Variants in ANO9 observed in about 807,000 individuals in gnomAD.
The protein encoded by ANO9 is anoctamin-9.
In ANO9, 80 loss-of-function variants were observed where a neutral mutation model predicts 100.5. The ratio of observed to expected loss-of-function variants is 0.80; its 90% CI spans 0.66 to 0.96. ANO9 has a LOEUF of 0.96. Among genes scored for constraint, ANO9 ranks in the 40% least tolerant of loss-of-function variants. ANO9 has a pLI of 0.00. For synonymous variants in ANO9, 473 were observed against 435.6 expected, an observed-to-expected ratio of 1.09 and a Z score of -1.07; for missense variants, 1,064 against 1,072.7, an observed-to-expected ratio of 0.99 and a Z score of 0.11.
At position 421,034 on chromosome 11, in the gene ANO9, G is replaced by A. The variant is rs1274798915; in HGVS notation, c.1401C>T (p.Ala467=). 1.9e-6 allele frequency: 3 copies of A among 1,603,264 alleles called. No homozygotes were observed. Among genetic ancestry groups the A allele is most frequent in the Non-Finnish European group, 2.6e-6 (3 of 1,172,360 alleles). Residue 467 remains alanine, a synonymous_variant, in exon 17 of 23, where the codon GCC becomes GCT. Transcript: ENST00000332826. This position sits in a 1 kb window ranked among gnomAD's most constrained non-coding sequence, Gnocchi z 6.8. Reference sequence around the variant, plus strand: ...CGAAGAGGTCCATCATGCAGCCGCTGGCGTGGCACTGCGGGGCCAGACAGG... The same window carrying A: ...CGAAGAGGTCCATCATGCAGCCGCTAGCGTGGCACTGCGGGGCCAGACAGG... ...AGLWKLEECH[A]SGCMMDLFVQ...
Position 419,584 on chromosome 11 carries a change from G to C in ANO9, c.1932C>G (p.Val644=), listed in dbSNP as rs758007024. Residue 644 remains valine (V), a splice_region_variant and synonymous_variant, in exon 20 of 23, where the codon GTC becomes GTG. Coordinates refer to ENST00000332826, the MANE Select transcript of ANO9 (RefSeq NM_001012302.3). ...SPCLKEGNST[V]DCLKGYVNHS... ...CTCCAGACACCCTGAGGCCTTACTC[G>C]ACAGTAGAGTTGCCTTCTTTCAGGC... The C allele has an allele frequency of 6.2e-6, 10 of 1,613,232 alleles. No homozygotes were observed. Among genetic ancestry groups the C allele is most frequent in the Middle Eastern group, 3.3e-4 (2 of 6,058 alleles).
rs1335785013 is a variant in ANO9, at chr11:434,116, G to A, written c.7-18C>T. ...TCTTCGCCCTGGGGGTTTGGGGGCA[G>A]AGAAAGGGATAGGAGGATGTGATTG... On this transcript the variant is annotated intron_variant, in intron 1 of 22. Coordinates refer to ENST00000332826, the MANE Select transcript of ANO9 (RefSeq NM_001012302.3). The A allele has an allele frequency of 1.3e-6, 2 of 1,549,778 alleles. No individual in the cohort carries two copies. Among genetic ancestry groups the A allele is most frequent in the East Asian group, 4.9e-5 (2 of 40,922 alleles).
At position 420,777 on chromosome 11, in the gene ANO9, C is replaced by G; in HGVS notation, c.1574G>C (p.Arg525Pro). ...PRDPELRDWRRNYLLNPVNTF... is the reference protein window; with the variant it reads ...PRDPELRDWRPNYLLNPVNTF... ...GTTGACCGGGTTCAGAAGGTAGTTG[C>G]GCCGCCAGTCCCTGAGCTCGGGGTC... The change falls in exon 18 of 23, where the codon CGC becomes CCC. Residue 525 changes from arginine (R) to proline (P), a missense_variant. Arg to Pro is a moderately radical substitution (Grantham distance 103). Transcript: ENST00000332826. The G allele has an allele frequency of 6.2e-7, 1 of 1,601,336 alleles. No homozygotes were observed.
intron 7 of ANO9, among the ~76,000 whole-genome samples, chr11:430,855 C>CG (rs1190915775): frequency 5.2e-5 from 1 of 19,394 alleles, no homozygotes; most frequent in African/African-American, 3.0e-4. Context: ...GGTGTGGGGG[C>CG]TCACGCGGGT....
chr11:430,384 C>A lies in ANO9; in HGVS notation c.559G>T (p.Val187Leu). ...CCCAGCCAGACGAAGTACAGGGCCA[C>A]CTTTTCCCCAAAGTAGTTCCTGCAG... ...DEIRNYFGEK[V>L]ALYFVWLGWY... Residue 187 changes from valine (V) to leucine (L), a missense_variant, in exon 8 of 23, where the codon GTG becomes TTG. Transcript: ENST00000332826. 1 of 1,594,732 alleles carries A rather than the reference C, an allele frequency of 6.3e-7. No homozygotes were observed. The highest frequency in any genetic ancestry group is 8.5e-7 in the Non-Finnish European group (1 of 1,171,384).
chr11:424,704 A>T (rs1159054849), intron 15 of ANO9, among the ~76,000 whole-genome samples: 1 of 152,222 alleles, frequency 6.6e-6, no homozygotes, highest in Non-Finnish European at 1.5e-5. Context: ...AGGAAACAAG[A>T]GATAATTAGG....
At chr11:420,238 T>C (rs1312447607) in intron 19 of ANO9, 2 of 1,421,314 alleles carry the variant, frequency 1.4e-6, no homozygotes, top group Admixed American at 2.9e-5. Context: ...TCTGAGATCC[T>C]GACGGTTTGT....
Position 430,392 on chromosome 11 carries a change from C to G in ANO9, c.551G>C (p.Gly184Ala), listed in dbSNP as rs1007015712. The change falls in exon 8 of 23, where the codon GGG becomes GCG. Residue 184 changes from glycine to alanine, a missense_variant. Gly to Ala is a moderately conservative substitution (Grantham distance 60). Coordinates refer to ENST00000332826, the MANE Select transcript of ANO9 (RefSeq NM_001012302.3). ...GACGAAGTACAGGGCCACCTTTTCC[C>G]CAAAGTAGTTCCTGCAGGCAGCAGG... ...QPVDEIRNYFGEKVALYFVWL... is the reference protein window; with the variant it reads ...QPVDEIRNYFAEKVALYFVWL... 1 of 1,586,180 alleles carries G rather than the reference C, an allele frequency of 6.3e-7. No homozygotes were observed. The highest frequency in any genetic ancestry group is 8.6e-7 in the Non-Finnish European group (1 of 1,166,726).
In ANO9 at chr11:419,765, C is replaced by T. The variant is rs189271624; in HGVS notation, c.1787-36G>A. On this transcript the variant is annotated intron_variant, in intron 19 of 22. Coordinates refer to ENST00000332826, the MANE Select transcript of ANO9 (RefSeq NM_001012302.3). ...GCAGTGGGCAAGCGGTCTGACTCAG[C>T]GTCCCTCGGCTGGTTCTGCCCTCAC... The T allele has an allele frequency of 6.9e-4, 1,087 of 1,568,626 alleles. 5 individuals are homozygous for T. In the Middle Eastern group the frequency reaches 0.016, roughly 23 times the overall value.
chr11:436,363 G>C (rs555333911), intron 1 of ANO9, among the ~76,000 whole-genome samples: 2 of 152,034 alleles, frequency 1.3e-5, no homozygotes, highest in East Asian at 3.9e-4. Context: ...CACCACGCCC[G>C]GCCCTGTTTC....
chr11:428,283 T>C, intron 14 of ANO9, 75 bp downstream of exon 14: 2 of 1,608,004 alleles, frequency 1.2e-6, no homozygotes, highest in Non-Finnish European at 1.7e-6. Context: ...CCCTGCTCTC[T>C]GACCACAGCC....
In ANO9 at chr11:422,986, C is replaced by T. The variant is rs772163842; in HGVS notation, c.1335-1788G>A. Among the ~76,000 whole-genome samples the T allele has an allele frequency of 3.4e-4, 51 of 152,060 alleles. No individual in the cohort carries two copies. The highest frequency in any genetic ancestry group is 5.9e-4 in the Non-Finnish European group (40 of 67,988). On this transcript the variant is annotated intron_variant, in intron 15 of 22. Transcript: ENST00000332826. The surrounding 1 kb of genome is among the most constrained non-coding windows in gnomAD (Gnocchi z 4.3). ...CTGGGATTACAGGTGCGCGCCACCA[C>T]GCCTGGCTAATTTTTGTATATTTAG...
intron 20 of ANO9, chr11:419,309 A>C: frequency 7.1e-7 from 1 of 1,408,184 alleles, no homozygotes; most frequent in Non-Finnish European, 9.2e-7. Context: ...TCACATCGGG[A>C]GGGAGCCGTT....
Position 421,237 on chromosome 11 carries a change from G to C in ANO9, c.1335-39C>G. On this transcript the variant is annotated intron_variant, in intron 15 of 22. Coordinates refer to ENST00000332826, the MANE Select transcript of ANO9 (RefSeq NM_001012302.3). The surrounding 1 kb of genome is among the most constrained non-coding windows in gnomAD (Gnocchi z 6.8). ...GGAAGTCTGGGGCACTGCGGGCAGC[G>C]CCCTGCCTCTGACAGGGTGGGTGCA... 1 of 1,485,598 alleles carries C rather than the reference G, an allele frequency of 6.7e-7. No individual in the cohort carries two copies. The highest frequency in any genetic ancestry group is 2.4e-5 in the East Asian group (1 of 41,608). The allele number at this position is 1,485,598 out of a possible 1,614,324, so 92.0% of individuals were successfully genotyped here.
chr11:431,738 CG>C lies in ANO9; in HGVS notation c.494del (p.Ala165GlyfsTer42). ...KGEGRLKKTW[A>X]RWRHMFREQP... is the part of the protein sequence containing the mutation. ...GCTCCCGGAACATGTGTCTCCACCG[CG>C]CCCACGTCTTCTTCAGGCGTCCCTC... On this transcript the variant is annotated frameshift_variant, in exon 7 of 23. Transcript: ENST00000332826. LOFTEE classifies it high-confidence loss of function. 1 of 1,612,648 alleles carries C rather than the reference CG, an allele frequency of 6.2e-7. No homozygotes were observed. Among genetic ancestry groups the C allele is most frequent in the Non-Finnish European group, 8.5e-7 (1 of 1,179,572 alleles).
chr11:422,654 G>T lies in ANO9; in HGVS notation c.1335-1456C>A, dbSNP rs908478768. On this transcript the variant is annotated intron_variant, in intron 15 of 22. Coordinates refer to ENST00000332826, the MANE Select transcript of ANO9 (RefSeq NM_001012302.3). This position sits in a 1 kb window ranked among gnomAD's most constrained non-coding sequence, Gnocchi z 4.3. Reference sequence around the variant, plus strand: ...CCCTGGAGCCTCCAGAAGGAGCCCAGCCCTGCTAACCCCTTAGTTTTCACC... The same window carrying T: ...CCCTGGAGCCTCCAGAAGGAGCCCATCCCTGCTAACCCCTTAGTTTTCACC... Among the ~76,000 whole-genome samples, 3 of 152,150 alleles carry T rather than the reference G, an allele frequency of 2.0e-5. No homozygotes were observed. Among genetic ancestry groups the T allele is most frequent in the African/African-American group, 7.2e-5 (3 of 41,426 alleles).
intron 1 of ANO9, among the ~76,000 whole-genome samples, chr11:435,360 T>C (rs972969731): frequency 1.3e-5 from 2 of 152,044 alleles, no homozygotes; most frequent in African/African-American, 4.8e-5. Flanking sequence ...TCTGGTCTAG[T>C]ATAGCATAGG....
At chr11:440,732 G>A (rs1218066156) in intron 1 of ANO9, 3 of 151,978 alleles carry the variant, frequency 2.0e-5, no homozygotes, top group East Asian at 3.9e-4. Context: ...CGAGTAGCTG[G>A]GAGCGCAGGC....
Position 428,111 on chromosome 11 carries a change from G to A in ANO9, c.1311C>T (p.Ile437=). ...LQFFTHFSSL[I]YIAFILGRIN... ...ACCTGCCCAGGATGAAGGCGATGTAGATGAGAGACGAGAAATGGGTGAAGA... is the reference window on the plus strand; with the variant it reads ...ACCTGCCCAGGATGAAGGCGATGTAAATGAGAGACGAGAAATGGGTGAAGA... The change falls in exon 15 of 23, where the codon ATC becomes ATT. Residue 437 remains isoleucine, a synonymous_variant. Coordinates refer to ENST00000332826, the MANE Select transcript of ANO9 (RefSeq NM_001012302.3). 1 of 1,610,460 alleles carries A rather than the reference G, an allele frequency of 6.2e-7. No individual in the cohort carries two copies. Among genetic ancestry groups the A allele is most frequent in the Non-Finnish European group, 8.5e-7 (1 of 1,179,448 alleles).
Sources: gnomAD v4.1 joint callset for allele counts (sites outside exome capture counted in the v4.1 genomes callset) on GRCh38, gnomAD v4.1.1 for gene constraint, Gnocchi (gnomAD v3.1) non-coding constraint, MANE v1.5 for transcripts, NCBI Gene and HGNC (gene_info 2026-07-23, HGNC 2026-07-21) for gene names.